TAF2: variants seen among roughly 807,000 people sequenced by gnomAD.
The protein encoded by TAF2 is transcription initiation factor TFIID subunit 2.
In TAF2, 61 loss-of-function variants were observed where a neutral mutation model predicts 138.5. The ratio of observed to expected loss-of-function variants is 0.44; its 90% CI spans 0.36 to 0.54. TAF2 has a LOEUF of 0.54. TAF2 is among the 20% of genes least tolerant of loss of function. The probability of loss-of-function intolerance (pLI) is 0.00; values close to 1 mark genes in which losing one functional copy is unlikely to be tolerated. For missense variants in TAF2, 1,090 were observed against 1,427.9 expected (o/e 0.76, Z 3.81); for synonymous variants, 475 against 469.9 (o/e 1.01, Z -0.14).
intron 8 of TAF2, among the ~76,000 whole-genome samples, chr8:119,795,980 T>C (rs915173277): frequency 1.6e-4 from 24 of 152,154 alleles, no homozygotes; most frequent in African/African-American, 5.3e-4. Flanking sequence ...GCCAGGACTA[T>C]ACTGTTCAAT....
chr8:119,737,869 C>A lies in TAF2; in HGVS notation c.3337+4665G>T, dbSNP rs541986697. On this transcript the variant is annotated intron_variant, in intron 25 of 25. Coordinates refer to ENST00000378164, the MANE Select transcript of TAF2 (RefSeq NM_003184.4). ...GGCAATACCATGAAAGTGTTACATG[C>A]CTATATTCCTTTAGAAAGTTTTCCA... Among the ~76,000 whole-genome samples the A allele has an allele frequency of 3.2e-5, 4 of 123,322 alleles. No homozygotes were observed. The South Asian group carries it at 9.0e-4, about 28-fold the overall frequency. 80.9% of individuals were successfully genotyped at this position (123,322 alleles called of 152,430 possible).
intron 3 of TAF2, among the ~76,000 whole-genome samples, chr8:119,816,949 C>A (rs1455945729): frequency 1.3e-5 from 2 of 152,144 alleles, no homozygotes; most frequent in Non-Finnish European, 2.9e-5. Context: ...ATTTCAAATT[C>A]TTTTTGAATA....
chr8:119,767,624 T>C (rs1821526884), intron 18 of TAF2, among the ~76,000 whole-genome samples: 1 of 152,344 alleles, frequency 6.6e-6, no homozygotes, highest in Non-Finnish European at 1.5e-5. Context: ...AGGTGCCAGC[T>C]GCTACTGCCC....
At chr8:119,737,044 T>G (rs1819268307) in intron 25 of TAF2, among the ~76,000 whole-genome samples, 1 of 152,054 alleles carries the variant, frequency 6.6e-6, no homozygotes, top group Non-Finnish European at 1.5e-5. Flanking sequence ...ACAAATACAT[T>G]GTAAGGGAGA....
At chr8:119,818,105 T>G (rs992512038) in intron 3 of TAF2, among the ~76,000 whole-genome samples, 12 of 152,212 alleles carry the variant, frequency 7.9e-5, no homozygotes, top group Admixed American at 7.9e-4. Flanking sequence ...ACCATAAATA[T>G]GTCTAAAAAT....
At chr8:119,772,162 G>A (rs1821886976) in intron 18 of TAF2, among the ~76,000 whole-genome samples, 1 of 152,212 alleles carries the variant, frequency 6.6e-6, no homozygotes, top group African/African-American at 2.4e-5. Flanking sequence ...AAAACCTCTT[G>A]GATACAGCAA....
chr8:119,786,708 G>A (rs1823035264), intron 14 of TAF2, among the ~76,000 whole-genome samples: 1 of 152,138 alleles, frequency 6.6e-6, no homozygotes, highest in Admixed American at 6.5e-5. Flanking sequence ...GATCATCTGA[G>A]GTCAGGAGTT....
chr8:119,759,963 C>T (rs1322298389), intron 20 of TAF2, among the ~76,000 whole-genome samples: 1 of 152,122 alleles, frequency 6.6e-6, no homozygotes, highest in African/African-American at 2.4e-5. Context: ...TAGAAACTCA[C>T]ACATTTTCCC....
At chr8:119,811,237 T>C (rs911529616) in intron 3 of TAF2, among the ~76,000 whole-genome samples, 3 of 151,772 alleles carry the variant, frequency 2.0e-5, no homozygotes, top group African/African-American at 7.3e-5. Context: ...ATTTTAAATA[T>C]CCATATTGAA....
Position 119,783,634 on chromosome 8 carries a change from C to T in TAF2, c.1860-1G>A. The T allele has an allele frequency of 6.2e-7, 1 of 1,612,656 alleles. No homozygotes were observed. Among genetic ancestry groups the T allele is most frequent in the African/African-American group, 1.3e-5 (1 of 75,020 alleles). On this transcript the variant is annotated splice_acceptor_variant, in intron 15 of 25. Coordinates refer to ENST00000378164, the MANE Select transcript of TAF2 (RefSeq NM_003184.4). LOFTEE classifies it high-confidence loss of function. ...TATCCACAGCAAAGGGGAATCAGCA[C>T]TGCAAGAAAATACAATTTTCTTTTT...
intron 2 of TAF2, among the ~76,000 whole-genome samples, chr8:119,823,279 T>C (rs1396723): frequency 2.0e-5 from 3 of 152,228 alleles, no homozygotes; most frequent in Non-Finnish European, 4.4e-5. Flanking sequence ...GTATGACTTA[T>C]GCAGTCATCA....
chr8:119,758,864 G>C (rs549229858), intron 20 of TAF2, among the ~76,000 whole-genome samples: 1 of 152,052 alleles, frequency 6.6e-6, no homozygotes, highest in African/African-American at 2.4e-5. Context: ...GGACAAAAGC[G>C]AAGTGTCACA....
intron 5 of TAF2, among the ~76,000 whole-genome samples, chr8:119,802,559 T>C (rs1229615268): frequency 6.6e-6 from 1 of 152,190 alleles, no homozygotes; most frequent in Non-Finnish European, 1.5e-5. Context: ...GGTAGGTACT[T>C]AGTATTGAAG....
chr8:119,811,805 CAAAAAAAAAAAA>C (rs771523182), intron 3 of TAF2, among the ~76,000 whole-genome samples: 4 of 60,350 alleles, frequency 6.6e-5, no homozygotes, highest in South Asian at 6.2e-4. Flanking sequence ...GACTCCGTCT[CAAAAAAAAAAAA>C]AAAAAAAAAA....
chr8:119,776,606 G>A (rs573841630), intron 18 of TAF2, among the ~76,000 whole-genome samples: 5 of 151,628 alleles, frequency 3.3e-5, no homozygotes, highest in African/African-American at 4.8e-5. Flanking sequence ...GGAGAATGGC[G>A]TAAACCAGGG....
chr8:119,732,054 T>C lies in TAF2; in HGVS notation c.3470A>G (p.Lys1157Arg). Residue 1157 changes from lysine to arginine, a missense_variant, in exon 26 of 26, where the codon AAG becomes AGG. Lys to Arg is a conservative substitution (Grantham distance 26). Around this residue, in one of 3 missense-constraint regions of TAF2, gnomAD observed 580 missense variants for 719.6 expected, o/e 0.81. Coordinates refer to ENST00000378164, the MANE Select transcript of TAF2 (RefSeq NM_003184.4). ...HHHHHHEHKK[K>R]KKKHKHKHKH... is the part of the protein sequence containing the mutation. ...GTGCTTATGTTTATGCTTCTTCTTC[T>C]TTTTCTTGTGCTCATGGTGATGGTG... 1 of 1,614,170 alleles carries C rather than the reference T, an allele frequency of 6.2e-7. No individual in the cohort carries two copies. Among genetic ancestry groups the C allele is most frequent in the Non-Finnish European group, 8.5e-7 (1 of 1,180,018 alleles).
rs34714105 is a variant in TAF2 at position 119,826,595 on chromosome 8, CT to C, written c.138+5081del. On this transcript the variant is annotated intron_variant, in intron 2 of 25. Coordinates refer to ENST00000378164, the MANE Select transcript of TAF2 (RefSeq NM_003184.4). ...AAATTAATAACCATTCCATTTCCTCCTTTTTTTTTTTTGAGATGGGGTTTCA... is the reference window on the plus strand; with the variant it reads ...AAATTAATAACCATTCCATTTCCTCCTTTTTTTTTTTGAGATGGGGTTTCA... Among the ~76,000 whole-genome samples the C allele has an allele frequency of 5.1e-3, 737 of 145,312 alleles. 1 individual carries two copies. The highest frequency in any genetic ancestry group is 8.2e-3 in the South Asian group (38 of 4,636).
chr8:119,795,437 A>G, intron 9 of TAF2, 95 bp downstream of exon 9: 1 of 1,052,724 alleles, frequency 9.5e-7, no homozygotes, highest in Non-Finnish European at 1.5e-6. Context: ...GGGAAAAATT[A>G]GGGATTTTCA....
At chr8:119,793,116 A>T (rs1001343700) in intron 10 of TAF2, among the ~76,000 whole-genome samples, 5 of 152,116 alleles carry the variant, frequency 3.3e-5, no homozygotes, top group East Asian at 1.9e-4. Flanking sequence ...TTAAAAAAAA[A>T]TTTTTAATGT....
Sources: allele counts gnomAD v4.1 joint callset (sites outside exome capture counted in the v4.1 genomes callset), GRCh38; gene constraint gnomAD v4.1.1; regional missense constraint gnomAD v4.1.1; transcripts MANE v1.5; gene names NCBI Gene and HGNC (gene_info 2026-07-23, HGNC 2026-07-21).